Variants in UROC1 observed in about 807,000 individuals in gnomAD.
The protein encoded by UROC1 is urocanate hydratase 1.
Under a neutral mutation model 89.5 loss-of-function variants are expected in UROC1, and 79 were observed. The observed-to-expected ratio is 0.88, with a 90% confidence interval of 0.74 to 1.06. The LOEUF is 1.06. Among genes scored for constraint, UROC1 ranks in the 50% least tolerant of loss-of-function variants. The pLI is 0.00. For synonymous variants in UROC1, 361 were observed against 354.8 expected (o/e 1.02, Z -0.20); for missense variants, 885 against 907.8 (o/e 0.97, Z 0.32).
rs1194054340 is a variant in UROC1 at position 126,500,109 on chromosome 3, C to A, written c.1191G>T (p.Lys397Asn). ...CATTGCCGTAGTCCCAGAAGAAGAA[C>A]TTCTCCTCGGCCAACCTGTTGATGG... is the stretch of plus-strand genomic sequence containing the variant. The part of the protein sequence containing the change: ...VSAINRLAEE[K>N]FFFWDYGNAF... Residue 397 changes from lysine (K) to asparagine (N), a missense_variant, in exon 12 of 20, where the codon AAG becomes AAT. Lys to Asn is a moderately conservative substitution (Grantham distance 94). Coordinates refer to ENST00000290868, the MANE Select transcript of UROC1 (RefSeq NM_144639.3). 6.2e-7 allele frequency: 1 copy of A among 1,613,796 alleles called. No homozygotes were observed. Among genetic ancestry groups the A allele is most frequent in the East Asian group, 2.2e-5 (1 of 44,860 alleles).
intron 9 of UROC1, among the ~76,000 whole-genome samples, chr3:126,502,906 CTG>C (rs1935970691): frequency 6.7e-6 from 1 of 148,766 alleles, no homozygotes. Flanking sequence ...GCTGCATTCT[CTG>C]TGTATGTATG....
rs565571496 is a variant in UROC1 at position 126,500,190 on chromosome 3, G to T, written c.1146-36C>A. On this transcript the variant is annotated intron_variant, in intron 11 of 19. Coordinates refer to ENST00000290868, the MANE Select transcript of UROC1 (RefSeq NM_144639.3). ...CCATGGGTCAGCACCACCGCTGTGA[G>T]GCCCTGGGGCCTCCCCAATGTGGCA... 1.7e-5 allele frequency: 27 copies of T among 1,603,834 alleles called. No individual in the cohort carries two copies. In the African/African-American group the frequency reaches 2.8e-4, roughly 17 times the overall value.
chr3:126,510,900 A>G, intron 1 of UROC1, 106 bp from the exon 2 acceptor site: 1 of 1,487,352 alleles, frequency 6.7e-7, no homozygotes, highest in Non-Finnish European at 9.0e-7. Flanking sequence ...TCTCTGCTCC[A>G]CTCAGAAGCC....
chr3:126,510,592 G>A lies in UROC1; in HGVS notation c.257+72C>T, dbSNP rs893522936. The A allele has an allele frequency of 5.7e-6, 9 of 1,592,800 alleles. No homozygotes were observed. The African/African-American group carries it at 9.4e-5, about 17-fold the overall frequency. On this transcript the variant is annotated intron_variant, in intron 2 of 19. Coordinates refer to ENST00000290868, the MANE Select transcript of UROC1 (RefSeq NM_144639.3). ...ACTGCCGACTCCCTCCTTGTTCCTG[G>A]CCCCCAGCACAGTCCCTTGCGGGAG...
chr3:126,505,627 C>T (rs1368211102), intron 8 of UROC1, 74 bp downstream of exon 8: 65 of 1,498,716 alleles, frequency 4.3e-5, no homozygotes, highest in Admixed American at 1.7e-4. Flanking sequence ...GTAAGTGATC[C>T]GGGAGGAAGA....
At chr3:126,485,710 G>A (rs1047451448) in intron 18 of UROC1, among the ~76,000 whole-genome samples, 40 of 150,164 alleles carry the variant, frequency 2.7e-4, no homozygotes, top group African/African-American at 9.0e-4. Context: ...GACTATAGGC[G>A]TGCACCACTA....
Position 126,499,322 on chromosome 3 carries a change from C to A in UROC1, c.1316+15G>T. On this transcript the variant is annotated intron_variant, in intron 13 of 19. Transcript: ENST00000290868. Reference sequence around the variant, plus strand: ...GCACTGGGCACACTAGATGTGGCAGCCGCCCATCACTCACCCCATGATGTG... The same window carrying A: ...GCACTGGGCACACTAGATGTGGCAGACGCCCATCACTCACCCCATGATGTG... 6.2e-7 allele frequency: 1 copy of A among 1,608,570 alleles called. No individual in the cohort carries two copies. Among genetic ancestry groups the A allele is most frequent in the Non-Finnish European group, 8.5e-7 (1 of 1,178,784 alleles).
intron 15 of UROC1, among the ~76,000 whole-genome samples, chr3:126,494,756 C>A (rs930165011): frequency 1.3e-5 from 2 of 152,174 alleles, no homozygotes; most frequent in Non-Finnish European, 2.9e-5. Flanking sequence ...TGGTTGCAAC[C>A]CTCTCAGCAT....
chr3:126,485,655 C>T (rs1330429336), intron 18 of UROC1, among the ~76,000 whole-genome samples: 1 of 150,208 alleles, frequency 6.7e-6, no homozygotes, highest in Admixed American at 6.6e-5. Flanking sequence ...ACTCAAACCT[C>T]CTGGGCTCAA....
rs189386500 is a variant in UROC1, at chr3:126,499,271, C to T, written c.1316+66G>A. The T allele has an allele frequency of 4.5e-4, 707 of 1,559,530 alleles. 5 individuals are homozygous for T. Among genetic ancestry groups the T allele is most frequent in the Middle Eastern group, 3.0e-3 (17 of 5,658 alleles). On this transcript the variant is annotated intron_variant, in intron 13 of 19. Transcript: ENST00000290868. The stretch of plus-strand genomic sequence containing the variant: ...GCTTCTCCAACCTAAATACCCAGGA[C>T]GCAGACCCTGAACGGGGCAGGGGTG...
chr3:126,517,155 C>T (rs72979997), intron 1 of UROC1, among the ~76,000 whole-genome samples: 16,177 of 152,210 alleles, frequency 0.11, 1,172 homozygotes, highest in African/African-American at 0.21. Context: ...AACTGCCTGC[C>T]AGCTACAGGG....
chr3:126,488,391 C>T (rs1266104614), intron 17 of UROC1, 112 bp from the exon 18 acceptor site: 36 of 1,200,546 alleles, frequency 3.0e-5, no homozygotes, highest in East Asian at 4.8e-5. Context: ...AAGGATGGGG[C>T]GGCAACTAGG....
At chr3:126,512,431 C>T (rs938146057) in intron 1 of UROC1, among the ~76,000 whole-genome samples, 2 of 152,190 alleles carry the variant, frequency 1.3e-5, no homozygotes, top group African/African-American at 2.4e-5. Flanking sequence ...GTTTATGCTA[C>T]GAAAAATATA....
At chr3:126,486,973 TTTTAGGTCC>T (rs1411739500) in intron 18 of UROC1, among the ~76,000 whole-genome samples, 4 of 152,064 alleles carry the variant, frequency 2.6e-5, no homozygotes, top group African/African-American at 9.7e-5. Context: ...GGGTAAAAGG[TTTTAGGTCC>T]CAGTGTCTGG....
intron 15 of UROC1, 21 bp downstream of exon 15, chr3:126,496,017 C>G: frequency 2.5e-6 from 4 of 1,610,502 alleles, no homozygotes; most frequent in Non-Finnish European, 3.4e-6. Context: ...ACCCCAGCCT[C>G]CCCCAGGCCT....
At chr3:126,509,011 G>A (rs1211986102) in intron 3 of UROC1, among the ~76,000 whole-genome samples, 1 of 152,032 alleles carries the variant, frequency 6.6e-6, no homozygotes, top group East Asian at 1.9e-4. Flanking sequence ...GATTTCAAAG[G>A]CTCAGGATGA....
At position 126,486,337 on chromosome 3, in the gene UROC1, T is replaced by A. The variant is rs143721132; in HGVS notation, c.1790+1861A>T. On this transcript the variant is annotated intron_variant, in intron 18 of 19. Transcript: ENST00000290868. The stretch of plus-strand genomic sequence containing the variant: ...CAATAGGGAAAGGAGATCAGAAAAG[T>A]CTTTTCTGAGGTCCAACCAACCCAA... Among the ~76,000 whole-genome samples, 18 of 152,260 alleles carry A rather than the reference T, an allele frequency of 1.2e-4. No homozygotes were observed. The East Asian group carries it at 3.3e-3, about 28-fold the overall frequency.
chr3:126,514,395 C>T lies in UROC1; in HGVS notation c.126+3199G>A, dbSNP rs1034475770. The stretch of plus-strand genomic sequence containing the variant: ...GGGTAGGTACTGAGGACATTTTTAA[C>T]AGGGGAACTGCTCCAGTCGTGTGAC... On this transcript the variant is annotated intron_variant, in intron 1 of 19. Coordinates refer to ENST00000290868, the MANE Select transcript of UROC1 (RefSeq NM_144639.3). Among the ~76,000 whole-genome samples, 6 of 152,172 alleles carry T rather than the reference C, an allele frequency of 3.9e-5. No homozygotes were observed. In the East Asian group the frequency reaches 5.8e-4, roughly 15 times the overall value.
Position 126,485,658 on chromosome 3 carries a change from G to C in UROC1, c.1791-2190C>G, listed in dbSNP as rs535699440. The stretch of plus-strand genomic sequence containing the variant: ...TTCCCAGGCTTTACTCAAACCTCCT[G>C]GGCTCAAGCAATCCTCCTGCCTTAG... On this transcript the variant is annotated intron_variant, in intron 18 of 19. Coordinates refer to ENST00000290868, the MANE Select transcript of UROC1 (RefSeq NM_144639.3). 8.0e-5 allele frequency among the ~76,000 whole-genome samples: 12 copies of C among 149,568 alleles called. No individual in the cohort carries two copies. The South Asian group carries it at 2.6e-3, about 32-fold the overall frequency.
Sources: gnomAD v4.1 joint callset for allele counts (sites outside exome capture counted in the v4.1 genomes callset) on GRCh38, gnomAD v4.1.1 for gene constraint, MANE v1.5 for transcripts, NCBI Gene and HGNC (gene_info 2026-07-23, HGNC 2026-07-21) for gene names.